The following SPOCK3 variants were observed in gnomAD, a reference collection of about 807,000 sequenced individuals.
The protein encoded by SPOCK3 is testican-3.
SPOCK3 carries 30 observed loss-of-function variants against 56.6 expected under a neutral mutation model. That is an observed-to-expected ratio of 0.53 (90% confidence interval 0.40 to 0.72). The LOEUF (loss-of-function observed/expected upper bound fraction) is 0.72. SPOCK3 is among the 30% of genes least tolerant of loss of function. The pLI, the probability that SPOCK3 is intolerant of heterozygous loss-of-function variation, is 0.00. For synonymous variants in SPOCK3, 196 were observed against 183.3 expected (o/e 1.07, Z -0.56); for missense variants, 527 against 530.0 (o/e 0.99, Z 0.06).
intron 2 of SPOCK3, among the ~76,000 whole-genome samples, chr4:167,079,434 A>G (rs1183649456): frequency 1.3e-5 from 2 of 151,966 alleles, no homozygotes; most frequent in African/African-American, 4.8e-5. Flanking sequence ...GACAAGAAAT[A>G]CTGTTTCTTG....
chr4:167,098,057 T>C (rs1436626941), intron 2 of SPOCK3, among the ~76,000 whole-genome samples: 3 of 152,002 alleles, frequency 2.0e-5, no homozygotes, highest in Non-Finnish European at 2.9e-5. Flanking sequence ...TAACACCTTA[T>C]CTTAGGTGTG....
chr4:167,132,634 C>T (rs1234954467), intron 2 of SPOCK3, among the ~76,000 whole-genome samples: 1 of 152,146 alleles, frequency 6.6e-6, no homozygotes, highest in African/African-American at 2.4e-5. Context: ...GAGATGTATT[C>T]TTATTCAGTA....
chr4:167,024,851 TAAAAAA>T (rs933114308), intron 3 of SPOCK3, among the ~76,000 whole-genome samples: 1 of 151,886 alleles, frequency 6.6e-6, no homozygotes, highest in African/African-American at 2.4e-5. Flanking sequence ...TATGGAAAAA[TAAAAAA>T]AAATTTTAAA....
intron 6 of SPOCK3, among the ~76,000 whole-genome samples, chr4:166,878,536 G>A (rs957387286): frequency 6.6e-6 from 1 of 151,618 alleles, no homozygotes; most frequent in African/African-American, 2.4e-5. Context: ...TATTTTAAAT[G>A]TATAAAAAAT....
intron 2 of SPOCK3, among the ~76,000 whole-genome samples, chr4:167,140,951 C>T (rs1214894311): frequency 6.6e-6 from 1 of 151,988 alleles, no homozygotes; most frequent in Non-Finnish European, 1.5e-5. Flanking sequence ...AACATATATA[C>T]CTTTTTTCTT....
chr4:167,054,474 T>C (rs1315275432), intron 3 of SPOCK3, among the ~76,000 whole-genome samples: 1 of 152,218 alleles, frequency 6.6e-6, no homozygotes, highest in Non-Finnish European at 1.5e-5. Context: ...TCAAGATGTA[T>C]GTCCTCATCA....
chr4:167,144,889 T>C (rs1763814028), intron 2 of SPOCK3, among the ~76,000 whole-genome samples: 2 of 151,788 alleles, frequency 1.3e-5, no homozygotes, highest in African/African-American at 2.4e-5. Context: ...AAGACCCTAA[T>C]GAGACAGAGA....
At chr4:167,011,274 A>T (rs1428996157) in intron 3 of SPOCK3, 2 of 456,028 alleles carry the variant, frequency 4.4e-6, no homozygotes, top group Admixed American at 4.7e-5. Context: ...CACATCACAC[A>T]AAAATCCCCA....
chr4:167,105,397 A>G (rs1163629315), intron 2 of SPOCK3, among the ~76,000 whole-genome samples: 1 of 151,136 alleles, frequency 6.6e-6, no homozygotes, highest in Non-Finnish European at 1.5e-5. Context: ...ATAATCATTT[A>G]TAATATAGTA....
At chr4:167,055,130 T>A (rs989060956) in intron 3 of SPOCK3, among the ~76,000 whole-genome samples, 1 of 152,072 alleles carries the variant, frequency 6.6e-6, no homozygotes, top group East Asian at 1.9e-4. Flanking sequence ...TTTCTTCACT[T>A]TTTTTAGAAA....
At chr4:167,050,618 A>AC (rs202178141) in intron 3 of SPOCK3, among the ~76,000 whole-genome samples, 1,950 of 152,290 alleles carry the variant, frequency 0.013, 21 homozygotes, top group Non-Finnish European at 0.019. Context: ...AGCACTATTC[A>AC]CAATAGCCAA....
At chr4:166,847,757 C>T (rs1042850205) in intron 6 of SPOCK3, among the ~76,000 whole-genome samples, 7 of 147,800 alleles carry the variant, frequency 4.7e-5, no homozygotes, top group Non-Finnish European at 7.5e-5. Flanking sequence ...CACCAGCCAT[C>T]TCTGTATAGG....
rs186449578 is a variant in SPOCK3, at chr4:167,007,011, T to C, written c.236-6548A>G. ...GAGATGTACTTAAGGGAAGTTTTTG[T>C]TGTTGTTATCACTAGAATTCATAAG... is the stretch of plus-strand genomic sequence containing the variant. On this transcript the variant is annotated intron_variant, in intron 3 of 10. Transcript: ENST00000357545. Among the ~76,000 whole-genome samples the C allele has an allele frequency of 1.6e-4, 25 of 152,306 alleles. No individual in the cohort carries two copies. The East Asian group carries it at 3.9e-3, about 23-fold the overall frequency.
chr4:166,840,581 C>CAAATA (rs932401979), intron 6 of SPOCK3, among the ~76,000 whole-genome samples: 22 of 151,964 alleles, frequency 1.4e-4, no homozygotes, highest in African/African-American at 4.6e-4. Flanking sequence ...TTATACAATG[C>CAAATA]AAATAAAATA....
At chr4:166,818,920 A>G (rs569410729) in intron 6 of SPOCK3, among the ~76,000 whole-genome samples, 14 of 152,080 alleles carry the variant, frequency 9.2e-5, no homozygotes, top group Non-Finnish European at 1.9e-4. Context: ...ATATTTTTAA[A>G]GTCTCTAGAC....
At chr4:166,768,118 C>G (rs878951837) in intron 7 of SPOCK3, among the ~76,000 whole-genome samples, 1 of 152,012 alleles carries the variant, frequency 6.6e-6, no homozygotes, top group South Asian at 2.1e-4. Flanking sequence ...ATACAGCACA[C>G]TGATGGGTCT....
intron 2 of SPOCK3, among the ~76,000 whole-genome samples, chr4:167,218,650 A>AT (rs1399156763): frequency 1.3e-5 from 2 of 152,094 alleles, no homozygotes; most frequent in South Asian, 2.1e-4. Context: ...AATGTGGGAT[A>AT]TTTTTTCCTA....
At chr4:166,994,137 C>T (rs1349555297) in intron 4 of SPOCK3, among the ~76,000 whole-genome samples, 4 of 151,906 alleles carry the variant, frequency 2.6e-5, no homozygotes, top group African/African-American at 4.8e-5. Flanking sequence ...GGACATCTCG[C>T]GAGAAAATAA....
At chr4:166,792,861 T>C (rs1006298028) in intron 6 of SPOCK3, among the ~76,000 whole-genome samples, 2 of 152,170 alleles carry the variant, frequency 1.3e-5, no homozygotes, top group African/African-American at 4.8e-5. Context: ...AAGAAAGTAC[T>C]ATAATGTTTC....
Sources: allele counts gnomAD v4.1 joint callset (sites outside exome capture counted in the v4.1 genomes callset), GRCh38; gene constraint gnomAD v4.1.1; transcripts MANE v1.5; gene names NCBI Gene and HGNC (gene_info 2026-07-23, HGNC 2026-07-21).